UNC13A: variants seen among roughly 807,000 people sequenced by gnomAD.
UNC13A encodes the protein protein unc-13 homolog A.
UNC13A carries 61 observed loss-of-function variants against 219.7 expected under a neutral mutation model. That is an observed-to-expected ratio of 0.28 (90% CI 0.23 to 0.34). The LOEUF (loss-of-function observed/expected upper bound fraction) is 0.34. Ranked by LOEUF, UNC13A falls within the 10% of genes least tolerant of loss-of-function variation. UNC13A has a pLI of 1.00. For missense variants in UNC13A, 1,476 were observed against 2,270.3 expected (o/e 0.65, Z 7.11); for synonymous variants, 920 against 884.6 (o/e 1.04, Z -0.71).
chr19:17,673,012 T>C (rs1223487563), intron 3 of UNC13A, among the ~76,000 whole-genome samples: 1 of 152,168 alleles, frequency 6.6e-6, no homozygotes, highest in East Asian at 1.9e-4. Flanking sequence ...CTTGGTGAAA[T>C]GTGAGATTCA....
chr19:17,639,535 G>A lies in UNC13A; in HGVS notation c.2857-10C>T, dbSNP rs1266642549. 6.2e-7 allele frequency: 1 copy of A among 1,611,874 alleles called. No homozygotes were observed. The highest frequency in any genetic ancestry group is 8.5e-7 in the Non-Finnish European group (1 of 1,179,372). On this transcript the variant is annotated splice_polypyrimidine_tract_variant and intron_variant, in intron 23 of 43. Coordinates refer to ENST00000519716, the MANE Select transcript of UNC13A (RefSeq NM_001080421.3). Reference sequence around the variant, plus strand: ...TGGCTGGGAAGTTATTCTGTTGGGAGCAGGAAGAGATGTGGGGTTATGGAA... The same window carrying A: ...TGGCTGGGAAGTTATTCTGTTGGGAACAGGAAGAGATGTGGGGTTATGGAA...
chr19:17,658,035 A>G (rs1243366943), intron 9 of UNC13A, 27 bp downstream of exon 9: 1 of 1,606,996 alleles, frequency 6.2e-7, no homozygotes, highest in Non-Finnish European at 8.5e-7. Context: ...CAGGACCCAC[A>G]TGCATGCTGC....
chr19:17,666,880 AC>A (rs1373425354), intron 6 of UNC13A, among the ~76,000 whole-genome samples, 176 bp from the exon 7 acceptor site: 8 of 41,912 alleles, frequency 1.9e-4, no homozygotes, highest in African/African-American at 1.0e-3. Flanking sequence ...ACACACACAC[AC>A]GAGAGAGAGA....
chr19:17,652,520 C>T lies in UNC13A; in HGVS notation c.1439+111G>A. 2.9e-6 allele frequency: 4 copies of T among 1,368,142 alleles called. No homozygotes were observed. The South Asian group carries it at 4.8e-5, about 16-fold the overall frequency. 84.8% of individuals were successfully genotyped at this position (1,368,142 alleles called of 1,614,324 possible). The stretch of plus-strand genomic sequence containing the variant: ...ATTTTGCCCAAGCTCAATCTGTCCC[C>T]TGTCTAAATGGAACCCCTCCTCCTC... On this transcript the variant is annotated intron_variant, in intron 12 of 43. Coordinates refer to ENST00000519716, the MANE Select transcript of UNC13A (RefSeq NM_001080421.3).
At position 17,627,205 on chromosome 19, in the gene UNC13A, G is replaced by A. The variant is rs1231542665; in HGVS notation, c.3920+304C>T. 2.6e-5 allele frequency among the ~76,000 whole-genome samples: 4 copies of A among 151,804 alleles called. No homozygotes were observed. The highest frequency in any genetic ancestry group is 7.3e-5 in the African/African-American group (3 of 41,326). ...GTGGAAAATAGTAACTGCAGAACCAGGCAAAGGGATAAGACATTTGCCCGC... is the reference window on the plus strand; with the variant it reads ...GTGGAAAATAGTAACTGCAGAACCAAGCAAAGGGATAAGACATTTGCCCGC... On this transcript the variant is annotated intron_variant, in intron 33 of 43. Transcript: ENST00000519716. The surrounding 1 kb of genome is among the most constrained non-coding windows in gnomAD (Gnocchi z 4.7).
At chr19:17,682,032 A>G (rs1405451518) in intron 1 of UNC13A, among the ~76,000 whole-genome samples, 2 of 150,044 alleles carry the variant, frequency 1.3e-5, no homozygotes, top group African/African-American at 4.9e-5. Context: ...GGCTCACTGC[A>G]ACCTCCGCCT....
At position 17,606,073 on chromosome 19, in the gene UNC13A, C is replaced by T; in HGVS notation, c.5093G>A (p.Gly1698Asp). 1 of 1,579,940 alleles carries T rather than the reference C, an allele frequency of 6.3e-7. No homozygotes were observed. Among genetic ancestry groups the T allele is most frequent in the Non-Finnish European group, 8.6e-7 (1 of 1,166,754 alleles). Residue 1698 changes from glycine (G) to aspartate (D), a missense_variant, in exon 44 of 44, where the codon GGT becomes GAT. Around this residue, in one of 14 missense-constraint regions of UNC13A, gnomAD observed 187 missense variants for 172.3 expected, o/e 1.09. Transcript: ENST00000519716. ...KSDTRSAEEG[G>D]AAPAP is the part of the protein sequence containing the mutation. The stretch of plus-strand genomic sequence containing the variant: ...CCCGCGCTAAGGCGCAGGCGCGGCA[C>T]CGCCCTCCTCGGCGGAGCGCGTGTC...
At chr19:17,617,910 T>A (rs556381968) in intron 40 of UNC13A, 61 bp from the exon 41 acceptor site, 1 of 1,595,658 alleles carries the variant, frequency 6.3e-7, no homozygotes, top group South Asian at 1.1e-5. Flanking sequence ...CTCATAGGGC[T>A]GGGTAGCCCT....
chr19:17,611,743 T>C lies in UNC13A; in HGVS notation c.4651+20A>G. 1 of 1,610,300 alleles carries C rather than the reference T, an allele frequency of 6.2e-7. No homozygotes were observed. The highest frequency in any genetic ancestry group is 2.2e-5 in the East Asian group (1 of 44,838). ...TCTGTTTTAGAACCTAGCAAGTCCC[T>C]CCCACCTCAGACCACTCACCTTTCA... On this transcript the variant is annotated intron_variant, in intron 42 of 43. Coordinates refer to ENST00000519716, the MANE Select transcript of UNC13A (RefSeq NM_001080421.3).
intron 7 of UNC13A, among the ~76,000 whole-genome samples, chr19:17,665,233 T>G (rs1289685522): frequency 1.4e-5 from 2 of 147,946 alleles, no homozygotes; most frequent in Admixed American, 6.7e-5. Context: ...GAAAAGAAAG[T>G]AAATGGGAAA....
intron 7 of UNC13A, among the ~76,000 whole-genome samples, chr19:17,666,006 CCT>C (rs1491567864): frequency 0.023 from 598 of 26,564 alleles, 90 homozygotes; most frequent in Middle Eastern, 0.036. Context: ...AACTCTCCTT[CCT>C]TCCTTCCTTT....
chr19:17,606,267 C>T lies in UNC13A; in HGVS notation c.4899G>A (p.Val1633=), dbSNP rs1356475269. The change falls in exon 44 of 44, where the codon GTG becomes GTA. Residue 1633 remains valine (V), a synonymous_variant. Transcript: ENST00000519716. ...CACGCAGCTGCAGCACGGCCAGCCC[C>T]ACCGTGCGGTCCTCGCGCGCGAAGC... ...DYCFAREDRT[V]GLAVLQLREL... is the part of the protein sequence containing the mutation. The T allele has an allele frequency of 3.2e-6, 5 of 1,547,868 alleles. No homozygotes were observed. The highest frequency in any genetic ancestry group is 3.5e-6 in the Non-Finnish European group (4 of 1,146,534).
chr19:17,639,244 G>A (rs537642900), intron 24 of UNC13A, 27 bp from the exon 25 acceptor site: 24 of 1,612,718 alleles, frequency 1.5e-5, no homozygotes, highest in Middle Eastern at 1.6e-4. Flanking sequence ...AGGCATAGGC[G>A]GCCACAGCTG....
intron 1 of UNC13A, among the ~76,000 whole-genome samples, chr19:17,686,563 G>A (rs2080116235): frequency 6.6e-6 from 1 of 151,634 alleles, no homozygotes; most frequent in Admixed American, 6.6e-5. Context: ...GTCGCCTAGG[G>A]GTCTCCTTCA....
chr19:17,647,169 G>A, intron 17 of UNC13A, 96 bp downstream of exon 17: 1 of 1,168,394 alleles, frequency 8.6e-7, no homozygotes, highest in Non-Finnish European at 1.2e-6. Context: ...GTGAGTGCGC[G>A]CTGCAAAGGA....
intron 6 of UNC13A, among the ~76,000 whole-genome samples, chr19:17,666,941 A>T (rs1268970238): frequency 6.6e-6 from 1 of 152,114 alleles, no homozygotes; most frequent in African/African-American, 2.4e-5. Context: ...AGACAGAAAA[A>T]GTAAGAAACA....
At chr19:17,629,550 G>GCAACCAAGCATCATAT (rs1373631042) in intron 30 of UNC13A, among the ~76,000 whole-genome samples, 2 of 152,014 alleles carry the variant, frequency 1.3e-5, no homozygotes, top group Non-Finnish European at 2.9e-5. Flanking sequence ...CTTTTTCAGA[G>GCAACCAAGCATCATAT]CAACCAAGCA....
chr19:17,678,211 G>C (rs2079936867), intron 1 of UNC13A, among the ~76,000 whole-genome samples: 1 of 152,170 alleles, frequency 6.6e-6, no homozygotes, highest in Admixed American at 6.6e-5. Context: ...AGGCGCGGTG[G>C]CTCATGCCTG....
At position 17,604,193 on chromosome 19, in the gene UNC13A, TTA is replaced by T. The variant is rs2076497186; in HGVS notation, c.*1859_*1860del. 1.3e-5 allele frequency: 2 copies of T among 152,246 alleles called. No homozygotes were observed. The highest frequency in any genetic ancestry group is 3.9e-4 in the East Asian group (2 of 5,190). The allele number at this position is 152,246 out of a possible 1,614,324, so 9.4% of individuals were successfully genotyped here. A position where few individuals can be genotyped will look rare whatever the true frequency, so the allele number is the denominator to read the frequency against. On this transcript the variant is annotated 3_prime_UTR_variant, in exon 44 of 44. Transcript: ENST00000519716. ...GCACCTCCACCTCTCCTCACTGGTT[TTA>T]GTCTTCACAAAACAGCTTTTGCAGG...
Sources: gnomAD v4.1 joint callset for allele counts (sites outside exome capture counted in the v4.1 genomes callset) on GRCh38, gnomAD v4.1.1 for gene constraint, gnomAD v4.1.1 regional missense constraint, Gnocchi (gnomAD v3.1) non-coding constraint, MANE v1.5 for transcripts, NCBI Gene and HGNC (gene_info 2026-07-23, HGNC 2026-07-21) for gene names.